Variants in PDE7B observed in about 807,000 individuals in gnomAD.
The protein encoded by PDE7B is phosphodiesterase 7B, also known as 3',5'-cyclic-AMP phosphodiesterase 7B.
In PDE7B, 29 loss-of-function variants were observed where a neutral mutation model predicts 56.2. That is an observed-to-expected ratio of 0.52 (90% CI 0.38 to 0.70). The LOEUF (loss-of-function observed/expected upper bound fraction) is 0.70. Ranked by LOEUF, PDE7B falls within the 30% of genes least tolerant of loss-of-function variation. The pLI is 0.00. For missense variants in PDE7B, 490 were observed against 565.0 expected (o/e 0.87, Z 1.35); for synonymous variants, 197 against 196.9 (o/e 1.00, Z 0.00).
Position 135,872,834 on chromosome 6 carries a change from G to A in PDE7B, c.21+20815G>A, listed in dbSNP as rs540212630. Among the ~76,000 whole-genome samples, 57 of 152,214 alleles carry A rather than the reference G, an allele frequency of 3.7e-4. 1 individual carries two copies. The South Asian group carries it at 0.011, about 30-fold the overall frequency. ...GCATTCAGTATACATGTGAACCTTGGAAAACATAACCTTATTTAATACTAC... is the reference window on the plus strand; with the variant it reads ...GCATTCAGTATACATGTGAACCTTGAAAAACATAACCTTATTTAATACTAC... On this transcript the variant is annotated intron_variant, in intron 1 of 12. Transcript: ENST00000308191.
At chr6:136,006,090 TAAACTATCACAAGG>T (rs1355410122) in intron 2 of PDE7B, among the ~76,000 whole-genome samples, 2 of 150,526 alleles carry the variant, frequency 1.3e-5, no homozygotes, top group African/African-American at 4.9e-5. Context: ...TCATTCTCAG[TAAACTATCACAAGG>T]ACAAAAAACC....
intron 2 of PDE7B, among the ~76,000 whole-genome samples, chr6:135,955,743 T>C (rs1217163107): frequency 6.6e-6 from 1 of 152,110 alleles, no homozygotes; most frequent in Admixed American, 6.6e-5. Flanking sequence ...CCTACCTGAA[T>C]TGAGACAGTG....
chr6:136,115,235 A>T (rs1242246413), intron 3 of PDE7B, among the ~76,000 whole-genome samples: 1 of 152,178 alleles, frequency 6.6e-6, no homozygotes, highest in African/African-American at 2.4e-5. Flanking sequence ...AATATGAGAA[A>T]TATATGCATC....
chr6:136,035,131 A>G (rs1292810907), intron 2 of PDE7B: 1 of 152,154 alleles, frequency 6.6e-6, no homozygotes, highest in African/African-American at 2.4e-5. Flanking sequence ...AGTTACCTAG[A>G]TGGGTCTTCT....
intron 2 of PDE7B, among the ~76,000 whole-genome samples, chr6:135,947,978 C>A (rs1023298971): frequency 6.6e-6 from 1 of 152,004 alleles, no homozygotes; most frequent in South Asian, 2.1e-4. Flanking sequence ...CAACTATTAT[C>A]GACACAGCAT....
intron 8 of PDE7B, among the ~76,000 whole-genome samples, chr6:136,164,153 T>G (rs1422681583): frequency 1.3e-5 from 2 of 152,174 alleles, no homozygotes; most frequent in Non-Finnish European, 2.9e-5. Context: ...GACTCACAGT[T>G]CTACAGTGCT....
chr6:135,933,598 T>G (rs1774331591), intron 1 of PDE7B, among the ~76,000 whole-genome samples: 1 of 152,242 alleles, frequency 6.6e-6, no homozygotes, highest in Non-Finnish European at 1.5e-5. Context: ...GTGTTCAATT[T>G]ATTTTTTGGT....
At chr6:135,968,538 G>C (rs570093923) in intron 2 of PDE7B, among the ~76,000 whole-genome samples, 1 of 152,152 alleles carries the variant, frequency 6.6e-6, no homozygotes, top group African/African-American at 2.4e-5. Flanking sequence ...ACAAACAAAT[G>C]AAAAATAGCT....
intron 3 of PDE7B, among the ~76,000 whole-genome samples, chr6:136,128,479 ACT>A (rs1443869506): frequency 1.3e-5 from 2 of 151,534 alleles, no homozygotes; most frequent in Non-Finnish European, 2.9e-5. Context: ...ATCTTTTGGT[ACT>A]CTCTTTCTCT....
At chr6:135,883,841 C>T (rs1161413428) in intron 1 of PDE7B, among the ~76,000 whole-genome samples, 2 of 152,162 alleles carry the variant, frequency 1.3e-5, no homozygotes, top group Non-Finnish European at 2.9e-5. Flanking sequence ...CTCTGATGTA[C>T]TCAGATCACC....
intron 1 of PDE7B, among the ~76,000 whole-genome samples, chr6:135,928,482 TTTATTTA>T (rs1774234995): frequency 1.0e-5 from 1 of 100,260 alleles, no homozygotes; most frequent in Non-Finnish European, 2.0e-5. Context: ...TATATATATA[TTTATTTA>T]TATATATATA....
intron 2 of PDE7B, among the ~76,000 whole-genome samples, chr6:135,976,976 G>A (rs1254254516): frequency 3.3e-5 from 5 of 152,258 alleles, no homozygotes; most frequent in African/African-American, 1.2e-4. Context: ...CAGATATGGG[G>A]AAATAGAAAT....
At chr6:135,929,750 A>G (rs923547389) in intron 1 of PDE7B, among the ~76,000 whole-genome samples, 1 of 152,188 alleles carries the variant, frequency 6.6e-6, no homozygotes, top group Admixed American at 6.5e-5. Flanking sequence ...AGATGGTGCT[A>G]CGAGGGCGTT....
At chr6:136,057,418 C>G (rs1266831821) in intron 2 of PDE7B, among the ~76,000 whole-genome samples, 1 of 152,162 alleles carries the variant, frequency 6.6e-6, no homozygotes, top group African/African-American at 2.4e-5. Flanking sequence ...ACCCATTATA[C>G]ATCAAAGTAT....
chr6:135,998,444 C>A (rs1329884905), intron 2 of PDE7B, among the ~76,000 whole-genome samples: 2 of 152,088 alleles, frequency 1.3e-5, no homozygotes, highest in African/African-American at 4.8e-5. Flanking sequence ...TCAACCTTGC[C>A]TTAAAATTGA....
intron 9 of PDE7B, among the ~76,000 whole-genome samples, chr6:136,176,454 T>C (rs1387724868): frequency 6.6e-6 from 1 of 152,142 alleles, no homozygotes; most frequent in East Asian, 1.9e-4. Context: ...CATTTTTCAA[T>C]GTCAATTACT....
At chr6:136,188,247 A>G (rs1779171222) in intron 12 of PDE7B, among the ~76,000 whole-genome samples, 1 of 147,750 alleles carries the variant, frequency 6.8e-6, no homozygotes, top group South Asian at 2.1e-4. Context: ...TAAAATAGGT[A>G]TGTTCGATTA....
chr6:136,148,470 A>AGGCAGGCAGGCATGCAGGCAGGC (rs374978896), intron 4 of PDE7B, among the ~76,000 whole-genome samples: 1 of 130,138 alleles, frequency 7.7e-6, no homozygotes, highest in East Asian at 2.4e-4. Context: ...GGAAGGAAGG[A>AGGCAGGCAGGCATGCAGGCAGGC]AGGCAGGCAG....
intron 2 of PDE7B, among the ~76,000 whole-genome samples, chr6:136,075,814 G>C (rs113360858): frequency 6.6e-6 from 1 of 152,094 alleles, no homozygotes; most frequent in Non-Finnish European, 1.5e-5. Context: ...GAGGAGGTAC[G>C]GCTAGTCAAG....
Sources: gnomAD v4.1 joint callset for allele counts (sites outside exome capture counted in the v4.1 genomes callset) on GRCh38, gnomAD v4.1.1 for gene constraint, MANE v1.5 for transcripts, NCBI Gene and HGNC (gene_info 2026-07-23, HGNC 2026-07-21) for gene names.